GPAT4: variants seen among roughly 807,000 people sequenced by gnomAD.
GPAT4 encodes glycerol-3-phosphate acyltransferase 4, also known as 1-AGP acyltransferase 6.
GPAT4 carries 17 observed loss-of-function variants against 58.0 expected under a neutral mutation model. The observed-to-expected ratio is 0.29, with a 90% CI of 0.20 to 0.44. The LOEUF (loss-of-function observed/expected upper bound fraction) is 0.44. GPAT4 is among the 20% of genes least tolerant of loss of function. GPAT4 has a pLI of 1.00. For synonymous variants in GPAT4, 204 were observed against 210.1 expected (o/e 0.97, Z 0.25); for missense variants, 377 against 574.5 (o/e 0.66, Z 3.51).
chr8:41,612,098 G>A (rs1318034627), intron 6 of GPAT4, 82 bp from the exon 7 acceptor site: 13 of 1,588,526 alleles, frequency 8.2e-6, no homozygotes, highest in Non-Finnish European at 1.0e-5. Context: ...AGTTAGAGCA[G>A]ATGAAGCATG....
chr8:41,582,690 T>TGTGG (rs1802555115), intron 1 of GPAT4, among the ~76,000 whole-genome samples: 1 of 151,722 alleles, frequency 6.6e-6, no homozygotes, highest in Non-Finnish European at 1.5e-5. Flanking sequence ...TGTGTGTGTG[T>TGTGG]GTGTGGGTGT....
Position 41,599,166 on chromosome 8 carries a change from C to T in GPAT4, c.27C>T (p.Ser9=). 1.2e-6 allele frequency: 2 copies of T among 1,612,544 alleles called. No homozygotes were observed. Among genetic ancestry groups the T allele is most frequent in the South Asian group, 1.1e-5 (1 of 90,802 alleles). The change falls in exon 2 of 13, where the codon AGC becomes AGT. Residue 9 remains serine (S), a synonymous_variant. Transcript: ENST00000396987. MFLLLPFD[S]LIVNLLGISL... ...TGTTCCTGTTGCTGCCTTTTGATAGCCTGATTGTCAACCTTCTGGGCATCT... is the reference window on the plus strand; with the variant it reads ...TGTTCCTGTTGCTGCCTTTTGATAGTCTGATTGTCAACCTTCTGGGCATCT...
At chr8:41,593,994 T>C (rs1802858406) in intron 1 of GPAT4, among the ~76,000 whole-genome samples, 1 of 152,242 alleles carries the variant, frequency 6.6e-6, no homozygotes, top group East Asian at 1.9e-4. Flanking sequence ...CCAGATAAGC[T>C]ATATTTCATT....
chr8:41,608,693 C>G (rs1430954947), intron 2 of GPAT4, among the ~76,000 whole-genome samples: 1 of 152,162 alleles, frequency 6.6e-6, no homozygotes, highest in Non-Finnish European at 1.5e-5. Flanking sequence ...CTAAGCGATC[C>G]CGTGAAGTAG....
rs559133770 is a variant in GPAT4 at position 41,614,633 on chromosome 8, T to C, written c.967+192T>C. 2.6e-4 allele frequency among the ~76,000 whole-genome samples: 39 copies of C among 152,320 alleles called. 1 individual carries two copies. Among genetic ancestry groups the C allele is most frequent in the Admixed American group, 6.5e-4 (10 of 15,302 alleles). On this transcript the variant is annotated intron_variant, in intron 9 of 12. Transcript: ENST00000396987. ...TTCAGAATTTGAACTAAGAATGCCA[T>C]AGTGTGAACTCCCCAAATGCAGGAA...
At chr8:41,615,134 G>C in intron 10 of GPAT4, 86 bp downstream of exon 10, 1 of 1,253,820 alleles carries the variant, frequency 8.0e-7, no homozygotes, top group Non-Finnish European at 1.1e-6. Context: ...AAGGAGCTGG[G>C]GTCACCAGTC....
At chr8:41,615,142 G>A (rs1012361080) in intron 10 of GPAT4, 94 bp downstream of exon 10, 2 of 1,134,880 alleles carry the variant, frequency 1.8e-6, no homozygotes, top group Non-Finnish European at 2.6e-6. Flanking sequence ...GGGGTCACCA[G>A]TCTGTGGTCG....
chr8:41,623,358 C>T lies in GPAT4; in HGVS notation c.*2357C>T, dbSNP rs1490772404. The T allele has an allele frequency of 1.3e-5, 2 of 152,196 alleles. No homozygotes were observed. The highest frequency in any genetic ancestry group is 4.8e-5 in the African/African-American group (2 of 41,442). 9.4% of individuals were successfully genotyped at this position (152,196 alleles called of 1,614,324 possible). On this transcript the variant is annotated 3_prime_UTR_variant, in exon 13 of 13. Transcript: ENST00000396987. ...GGCAAAAACTCAAGACACTTAGAAACATGCAAAGTACAAAATAATGTGTTC... is the reference window on the plus strand; with the variant it reads ...GGCAAAAACTCAAGACACTTAGAAATATGCAAAGTACAAAATAATGTGTTC...
chr8:41,583,635 A>G (rs1278451279), intron 1 of GPAT4, among the ~76,000 whole-genome samples: 1 of 152,184 alleles, frequency 6.6e-6, no homozygotes, highest in Non-Finnish European at 1.5e-5. Context: ...TTACATTCAC[A>G]ACACATTTTA....
intron 4 of GPAT4, chr8:41,610,285 C>T (rs1457885604): frequency 6.5e-6 from 8 of 1,238,432 alleles, no homozygotes; most frequent in Admixed American, 8.2e-5. Flanking sequence ...CTCTCAGGTA[C>T]AGGGGCAGTA....
At chr8:41,600,776 C>T (rs1803066401) in intron 2 of GPAT4, among the ~76,000 whole-genome samples, 1 of 152,164 alleles carries the variant, frequency 6.6e-6, no homozygotes, top group South Asian at 2.1e-4. Context: ...CCTCCGCCAG[C>T]CCTGGCAACC....
chr8:41,611,084 G>GGT (rs1803428732), intron 5 of GPAT4, among the ~76,000 whole-genome samples: 2 of 152,204 alleles, frequency 1.3e-5, no homozygotes, highest in Non-Finnish European at 2.9e-5. Context: ...AAGTTAGCCA[G>GGT]GCACGGTGGC....
chr8:41,598,382 A>C lies in GPAT4; in HGVS notation c.-758A>C, dbSNP rs776071533. On this transcript the variant is annotated 5_prime_UTR_variant, in exon 2 of 13. An upstream start codon of the reference 5' UTR is lost. Transcript: ENST00000396987. ...GGAGAAGAGTGTCCAGAGGATACCAATGCCAGATGCATCTGGAGTTACACT... is the reference window on the plus strand; with the variant it reads ...GGAGAAGAGTGTCCAGAGGATACCACTGCCAGATGCATCTGGAGTTACACT... 1 of 152,178 alleles carries C rather than the reference A, an allele frequency of 6.6e-6. No homozygotes were observed. Among genetic ancestry groups the C allele is most frequent in the Non-Finnish European group, 1.5e-5 (1 of 68,032 alleles). The allele number at this position is 152,178 out of a possible 1,614,324, so 9.4% of individuals were successfully genotyped here.
chr8:41,597,170 C>G (rs181468295), intron 1 of GPAT4, among the ~76,000 whole-genome samples: 95 of 152,298 alleles, frequency 6.2e-4, no homozygotes, highest in African/African-American at 1.9e-3. Context: ...TTTATTTCTT[C>G]TTTCTTTGGA....
Position 41,621,642 on chromosome 8 carries a change from C to T in GPAT4, c.*641C>T, listed in dbSNP as rs1416205486. On this transcript the variant is annotated 3_prime_UTR_variant, in exon 13 of 13. Transcript: ENST00000396987. ...ATGGGGAGAACGTGTGTTCGTACTC[C>T]AGGCTAACCCTGAACTCCCCATGTG... 6.6e-6 allele frequency: 1 copy of T among 152,508 alleles called. No homozygotes were observed. The highest frequency in any genetic ancestry group is 1.5e-5 in the Non-Finnish European group (1 of 68,284). The allele number at this position is 152,508 out of a possible 1,614,324, so 9.4% of individuals were successfully genotyped here. A position where few individuals can be genotyped will look rare whatever the true frequency, so the allele number is the denominator to read the frequency against.
Position 41,618,954 on chromosome 8 carries a change from G to C in GPAT4, c.1239G>C (p.Gln413His). 6.2e-7 allele frequency: 1 copy of C among 1,614,212 alleles called. No homozygotes were observed. Among genetic ancestry groups the C allele is most frequent in the Non-Finnish European group, 8.5e-7 (1 of 1,180,028 alleles). ...ANRVKSAIAR[Q>H]GGLVDLLWDG... ...GGGTGAAATCTGCCATTGCCAGGCA[G>C]GGAGGACTTGTGGACCTGCTGTGGT... The change falls in exon 12 of 13, where the codon CAG becomes CAC. Residue 413 changes from glutamine (Q) to histidine (H), a missense_variant. Physicochemically the swap from Gln to His is conservative, Grantham distance 24. Coordinates refer to ENST00000396987, the MANE Select transcript of GPAT4 (RefSeq NM_178819.4).
intron 10 of GPAT4, among the ~76,000 whole-genome samples, chr8:41,617,257 G>T (rs757495499): frequency 6.6e-6 from 1 of 152,048 alleles, no homozygotes; most frequent in Non-Finnish European, 1.5e-5. Context: ...CCAGCTACTC[G>T]GGAGGCTGGG....
At chr8:41,609,259 G>C (rs747639837) in intron 2 of GPAT4, among the ~76,000 whole-genome samples, 157 bp from the exon 3 acceptor site, 4 of 152,236 alleles carry the variant, frequency 2.6e-5, no homozygotes, top group Non-Finnish European at 5.9e-5. Flanking sequence ...GGCTGCTCTG[G>C]GGAGAGGTGG....
At chr8:41,613,046 C>T (rs925954618) in intron 8 of GPAT4, 86 bp downstream of exon 8, 18 of 1,107,446 alleles carry the variant, frequency 1.6e-5, no homozygotes, top group African/African-American at 3.1e-5. Context: ...AGTGCAGTTA[C>T]GTGCCTTCTA....
Sources: allele counts gnomAD v4.1 joint callset (sites outside exome capture counted in the v4.1 genomes callset), GRCh38; gene constraint gnomAD v4.1.1; transcripts MANE v1.5; gene names NCBI Gene and HGNC (gene_info 2026-07-23, HGNC 2026-07-21).